Variants in ZMIZ1 observed in about 807,000 individuals in gnomAD.
ZMIZ1 encodes the protein zinc finger MIZ domain-containing protein 1.
Under a neutral mutation model 113.9 loss-of-function variants are expected in ZMIZ1, and 17 were observed. The observed-to-expected ratio is 0.15, with a 90% confidence interval of 0.10 to 0.22. ZMIZ1 has a LOEUF of 0.22. ZMIZ1 is among the 10% of genes least tolerant of loss of function. The pLI, the probability that ZMIZ1 is intolerant of heterozygous loss-of-function variation, is 1.00. For missense variants in ZMIZ1, 1,059 were observed against 1,477.8 expected, an observed-to-expected ratio of 0.72 and a Z score of 4.65; for synonymous variants, 607 against 603.1, an observed-to-expected ratio of 1.01 and a Z score of -0.09.
At chr10:79,291,324 T>G in intron 10 of ZMIZ1, 148 bp downstream of exon 10, 1 of 1,046,092 alleles carries the variant, frequency 9.6e-7, no homozygotes, top group Non-Finnish European at 1.3e-6. Context: ...GGCTCAGTCA[T>G]CCCTGGCTCC....
chr10:79,261,163 AC>A (rs1357755388), intron 7 of ZMIZ1, among the ~76,000 whole-genome samples: 3 of 152,058 alleles, frequency 2.0e-5, no homozygotes, highest in African/African-American at 7.2e-5. Flanking sequence ...GTCATGAAAG[AC>A]CCTGTGGCCC....
At position 79,311,168 on chromosome 10, in the gene ZMIZ1, C is replaced by G; in HGVS notation, c.3080C>G (p.Pro1027Arg). ...GGAGCGCAGGGAGCGTCCGACATGC[C>G]GGAGCCTTCGCTGGATGTAAGTTGG... ...QAGAQGASDM[P>R]EPSLDLLPEL... Residue 1027 changes from proline (P) to arginine (R), a missense_variant, in exon 24 of 25, where the codon CCG (proline) becomes CGG (arginine). Pro to Arg is a moderately radical substitution (Grantham distance 103). This residue lies in a region of ZMIZ1 where 225 missense variants were observed against 276.0 expected (regional missense o/e 0.82). Transcript: ENST00000334512. 6.2e-7 allele frequency: 1 copy of G among 1,611,932 alleles called. No individual in the cohort carries two copies. Among genetic ancestry groups the G allele is most frequent in the South Asian group, 1.1e-5 (1 of 90,996 alleles).
intron 18 of ZMIZ1, among the ~76,000 whole-genome samples, chr10:79,302,500 ATAGCAGCACAG>A (rs1564601123): frequency 6.6e-6 from 1 of 152,156 alleles, no homozygotes; most frequent in Admixed American, 6.5e-5. Flanking sequence ...CATACCTGCA[ATAGCAGCACAG>A]GACATGAGGC....
rs116799693 is a variant in ZMIZ1, at chr10:79,304,157, C to T, written c.2268C>T (p.His756=). The T allele has an allele frequency of 3.1e-4, 495 of 1,613,768 alleles. 1 individual carries two copies. The African/African-American group carries it at 5.6e-3, about 18-fold the overall frequency. Residue 756 remains histidine, a synonymous_variant, in exon 19 of 25, where the codon CAC becomes CAT. Coordinates refer to ENST00000334512, the MANE Select transcript of ZMIZ1 (RefSeq NM_020338.4). ...FRRIQLPARG[H]DCKHVQCFDL... ...GCATCCAGCTGCCTGCTCGAGGACA[C>T]GATTGCAAGCATGTGCAGGTGAGCG...
chr10:79,157,573 C>A (rs1845950339), intron 3 of ZMIZ1, among the ~76,000 whole-genome samples: 1 of 152,130 alleles, frequency 6.6e-6, no homozygotes, highest in South Asian at 2.1e-4. Context: ...GGAGCCTCCT[C>A]TGGTGGGTGC....
intron 23 of ZMIZ1, 70 bp downstream of exon 23, chr10:79,307,641 C>G (rs1854815188): frequency 6.6e-7 from 1 of 1,520,520 alleles, no homozygotes; most frequent in African/African-American, 1.4e-5. Context: ...TCTGGATACC[C>G]TGTTCCCTCC....
chr10:79,191,613 C>T (rs1847607536), intron 4 of ZMIZ1, among the ~76,000 whole-genome samples: 2 of 152,240 alleles, frequency 1.3e-5, no homozygotes, highest in Non-Finnish European at 1.5e-5. Context: ...TCACCATCCT[C>T]AGCACTCCAC....
chr10:79,245,489 G>A (rs1249266354), intron 7 of ZMIZ1, among the ~76,000 whole-genome samples: 1 of 152,204 alleles, frequency 6.6e-6, no homozygotes, highest in African/African-American at 2.4e-5. Flanking sequence ...GTGGAAGGCT[G>A]GTTGGGTGTG....
intron 3 of ZMIZ1, among the ~76,000 whole-genome samples, chr10:79,159,443 G>A (rs1846021861): frequency 6.6e-6 from 1 of 152,192 alleles, no homozygotes; most frequent in African/African-American, 2.4e-5. Context: ...CTGCTGAGCA[G>A]CTCCCAGGGC....
In ZMIZ1 at chr10:79,114,482, T is replaced by TGTGTGTGTGTGC. The variant is rs757554719; in HGVS notation, c.-336-4409_-336-4398dup. 2.2e-4 allele frequency among the ~76,000 whole-genome samples: 28 copies of TGTGTGTGTGTGC among 124,948 alleles called. 1 individual carries two copies. In the South Asian group the frequency reaches 5.9e-3, roughly 26 times the overall value. 82.0% of individuals were successfully genotyped at this position (124,948 alleles called of 152,430 possible). A position where few individuals can be genotyped will look rare whatever the true frequency, so the allele number is the denominator to read the frequency against. The stretch of plus-strand genomic sequence containing the variant: ...GTGTGTATGTGTGTGTGTGTCTGTG[T>TGTGTGTGTGTGC]GTGTGTGTGTGCGTGTGTGTGTGCG... On this transcript the variant is annotated intron_variant, in intron 1 of 24. Transcript: ENST00000334512.
intron 19 of ZMIZ1, among the ~76,000 whole-genome samples, chr10:79,304,685 A>C (rs915838939): frequency 6.6e-6 from 1 of 152,212 alleles, no homozygotes; most frequent in Non-Finnish European, 1.5e-5. Context: ...TGTCACCTGC[A>C]GCTGGTCCTG....
intron 1 of ZMIZ1, among the ~76,000 whole-genome samples, chr10:79,107,663 C>T (rs1389913636): frequency 6.6e-6 from 1 of 152,208 alleles, no homozygotes; most frequent in Admixed American, 6.5e-5. Flanking sequence ...TTCAGAAAGG[C>T]TCCTCCGTTG....
intron 4 of ZMIZ1, among the ~76,000 whole-genome samples, chr10:79,166,084 T>A (rs1226722312): frequency 6.6e-6 from 1 of 151,596 alleles, no homozygotes; most frequent in East Asian, 1.9e-4. Flanking sequence ...TCCTCATCTC[T>A]CCCTGCAGCT....
intron 1 of ZMIZ1, among the ~76,000 whole-genome samples, chr10:79,104,331 C>T (rs913854308): frequency 1.3e-5 from 2 of 152,058 alleles, no homozygotes; most frequent in Admixed American, 6.6e-5. Flanking sequence ...GTATAGAGTC[C>T]GCGTGCATAG....
intron 4 of ZMIZ1, among the ~76,000 whole-genome samples, chr10:79,179,497 C>T (rs1448563656): frequency 6.6e-6 from 1 of 152,276 alleles, no homozygotes; most frequent in Non-Finnish European, 1.5e-5. Context: ...CTCTTCCAGG[C>T]TGAGTGTTGG....
intron 1 of ZMIZ1, among the ~76,000 whole-genome samples, chr10:79,087,082 T>A (rs1842839446): frequency 6.6e-6 from 1 of 152,282 alleles, no homozygotes; most frequent in African/African-American, 2.4e-5. Flanking sequence ...CTTTCCTACC[T>A]GCCTTAACCC....
At chr10:79,100,333 A>G (rs1255179528) in intron 1 of ZMIZ1, among the ~76,000 whole-genome samples, 1 of 151,248 alleles carries the variant, frequency 6.6e-6, no homozygotes, top group East Asian at 2.0e-4. Flanking sequence ...AGGGCTGGGC[A>G]TGGTGGCTTA....
chr10:79,223,675 A>C (rs1034605247), intron 7 of ZMIZ1, among the ~76,000 whole-genome samples: 1 of 152,268 alleles, frequency 6.6e-6, no homozygotes, highest in African/African-American at 2.4e-5. Flanking sequence ...AAACGGGAAG[A>C]CACAGACCCA....
intron 23 of ZMIZ1, among the ~76,000 whole-genome samples, chr10:79,308,808 C>T (rs1854910606): frequency 6.6e-6 from 1 of 152,162 alleles, no homozygotes; most frequent in Admixed American, 6.5e-5. Context: ...GACACACACA[C>T]ATCCTGCGCC....
Sources: gnomAD v4.1 joint callset for allele counts (sites outside exome capture counted in the v4.1 genomes callset) on GRCh38, gnomAD v4.1.1 for gene constraint, gnomAD v4.1.1 regional missense constraint, MANE v1.5 for transcripts, NCBI Gene and HGNC (gene_info 2026-07-23, HGNC 2026-07-21) for gene names.